Variants in SNX24 observed in about 807,000 individuals in gnomAD.
SNX24 encodes the protein sorting nexin 24.
In SNX24, 22 loss-of-function variants were observed where a neutral mutation model predicts 28.7. The observed-to-expected ratio is 0.77, with a 90% confidence interval of 0.55 to 1.10. The LOEUF (loss-of-function observed/expected upper bound fraction) is 1.10. SNX24 is among the 50% of genes least tolerant of loss of function. SNX24 has a pLI of 0.00. For missense variants in SNX24, 221 were observed against 201.1 expected (o/e 1.10, Z -0.60); for synonymous variants, 69 against 71.5 (o/e 0.96, Z 0.18).
At chr5:123,003,390 G>T (rs1032296088) in intron 6 of SNX24, among the ~76,000 whole-genome samples, 1 of 152,174 alleles carries the variant, frequency 6.6e-6, no homozygotes, top group African/African-American at 2.4e-5. Context: ...CATGTTAGTT[G>T]ATGTCATGTT....
intron 3 of SNX24, among the ~76,000 whole-genome samples, chr5:122,995,144 G>A (rs952140911): frequency 3.3e-5 from 5 of 152,172 alleles, no homozygotes; most frequent in African/African-American, 1.2e-4. Context: ...ATGCTCTTCA[G>A]TGCCTATTCT....
At chr5:122,902,854 T>C (rs1757498540) in intron 1 of SNX24, among the ~76,000 whole-genome samples, 2 of 152,220 alleles carry the variant, frequency 1.3e-5, no homozygotes, top group African/African-American at 4.8e-5. Context: ...CTCCTTTTGA[T>C]GACTGTCTTC....
chr5:122,905,343 C>T (rs246278), intron 1 of SNX24, among the ~76,000 whole-genome samples: 1 of 151,986 alleles, frequency 6.6e-6, no homozygotes, highest in African/African-American at 2.4e-5. Context: ...TCCCACCACT[C>T]CTGAGCTGAA....
chr5:122,917,466 A>G (rs1336328224), intron 1 of SNX24, among the ~76,000 whole-genome samples: 1 of 152,160 alleles, frequency 6.6e-6, no homozygotes, highest in Non-Finnish European at 1.5e-5. Context: ...ATGGAACCAA[A>G]GGAATAAGCA....
In SNX24 at chr5:123,016,639, A is replaced by C. The variant is rs189975335; in HGVS notation, n.384-12599A>C. Reference sequence around the variant, plus strand: ...GAGAAGTGACCTGGTGTAGGGTGGCAGCAGTGGAGAGGATGAGATACAGAG... The same window carrying C: ...GAGAAGTGACCTGGTGTAGGGTGGCCGCAGTGGAGAGGATGAGATACAGAG... On this transcript the variant is annotated intron_variant and non_coding_transcript_variant, in intron 5 of 5. Transcript: ENST00000502387. 1.8e-3 allele frequency among the ~76,000 whole-genome samples: 268 copies of C among 152,284 alleles called. 1 individual carries two copies. Among genetic ancestry groups the C allele is most frequent in the Non-Finnish European group, 2.8e-3 (190 of 68,034 alleles).
intron 2 of SNX24, among the ~76,000 whole-genome samples, chr5:122,944,815 T>C (rs1334058780): frequency 6.6e-6 from 1 of 152,230 alleles, no homozygotes; most frequent in African/African-American, 2.4e-5. Flanking sequence ...ATAGTTTAGC[T>C]GCCCAGGTTT....
intron 1 of SNX24, among the ~76,000 whole-genome samples, chr5:122,854,109 A>T (rs1353711005): frequency 2.0e-5 from 3 of 151,936 alleles, no homozygotes. Flanking sequence ...AAGTGGTATG[A>T]GGCTGTCCCC....
Position 123,008,340 on chromosome 5 carries a change from A to C in SNX24, c.*591A>C. The C allele has an allele frequency of 1.0e-6, 1 of 973,792 alleles. No individual in the cohort carries two copies. Among genetic ancestry groups the C allele is most frequent in the South Asian group, 4.7e-5 (1 of 21,056 alleles). 60.3% of individuals were successfully genotyped at this position (973,792 alleles called of 1,614,324 possible). A position where few individuals can be genotyped will look rare whatever the true frequency, so the allele number is the denominator to read the frequency against. Reference sequence around the variant, plus strand: ...ATCATGGCATTTTAATTTACATTAGAGTGGAGTTGCATCATACTCAGGGGT... The same window carrying C: ...ATCATGGCATTTTAATTTACATTAGCGTGGAGTTGCATCATACTCAGGGGT... On this transcript the variant is annotated 3_prime_UTR_variant, in exon 7 of 7. Coordinates refer to ENST00000261369, the MANE Select transcript of SNX24 (RefSeq NM_014035.4).
rs191672009 is a variant in SNX24, at chr5:122,860,993, G to T, written c.60+15300G>T. Among the ~76,000 whole-genome samples, 649 of 152,154 alleles carry T rather than the reference G, an allele frequency of 4.3e-3. 5 individuals carry two copies. Among genetic ancestry groups the T allele is most frequent in the African/African-American group, 0.015 (617 of 41,488 alleles). ...AATTAATTTTAGTTTCACTCAGGTGGGGTCTTTTTACCACTTCCTTTATGT... is the reference window on the plus strand; with the variant it reads ...AATTAATTTTAGTTTCACTCAGGTGTGGTCTTTTTACCACTTCCTTTATGT... On this transcript the variant is annotated intron_variant, in intron 1 of 6. Transcript: ENST00000261369.
intron 1 of SNX24, among the ~76,000 whole-genome samples, chr5:122,896,156 A>G (rs1313636611): frequency 6.6e-6 from 1 of 152,224 alleles, no homozygotes; most frequent in African/African-American, 2.4e-5. Flanking sequence ...TCAAACAAAC[A>G]AACAAACATA....
At chr5:122,910,663 C>T (rs1189008357) in intron 1 of SNX24, among the ~76,000 whole-genome samples, 1 of 139,052 alleles carries the variant, frequency 7.2e-6, no homozygotes, top group Non-Finnish European at 1.5e-5. Context: ...GTTCCCCTTC[C>T]TGTGTCCATG....
intron 1 of SNX24, among the ~76,000 whole-genome samples, chr5:122,853,148 C>T (rs1448853012): frequency 1.2e-4 from 9 of 75,178 alleles, no homozygotes; most frequent in African/African-American, 2.7e-4. Context: ...TTTTTTGAGA[C>T]GGATTCTTCG....
intron 2 of SNX24, among the ~76,000 whole-genome samples, chr5:122,941,901 C>T (rs533785654): frequency 6.6e-6 from 1 of 152,250 alleles, no homozygotes; most frequent in South Asian, 2.1e-4. Context: ...CGCACCAAAA[C>T]GAAAACAAAA....
chr5:123,005,153 A>T (rs1196274701), intron 6 of SNX24, among the ~76,000 whole-genome samples: 1 of 152,158 alleles, frequency 6.6e-6, no homozygotes, highest in South Asian at 2.1e-4. Context: ...AAACACCTCC[A>T]TCCCATTCAC....
rs367767054 is a variant in SNX24, at chr5:122,859,164, A to G, written c.60+13471A>G. Reference sequence around the variant, plus strand: ...ATAAATGAATGAATGAGACCTGCTTATCTTAGTCTTTCCTTAAGAGATTTA... The same window carrying G: ...ATAAATGAATGAATGAGACCTGCTTGTCTTAGTCTTTCCTTAAGAGATTTA... On this transcript the variant is annotated intron_variant, in intron 1 of 6. Coordinates refer to ENST00000261369, the MANE Select transcript of SNX24 (RefSeq NM_014035.4). Among the ~76,000 whole-genome samples, 17 of 152,334 alleles carry G rather than the reference A, an allele frequency of 1.1e-4. No homozygotes were observed. The East Asian group carries it at 3.1e-3, about 28-fold the overall frequency.
chr5:122,855,589 T>C (rs1379388728), intron 1 of SNX24, among the ~76,000 whole-genome samples: 1 of 152,180 alleles, frequency 6.6e-6, no homozygotes, highest in Non-Finnish European at 1.5e-5. Context: ...GAGACTAGCC[T>C]GGGCAACCTC....
At chr5:123,014,987 C>A (rs1762655902) in intron 5 of SNX24, among the ~76,000 whole-genome samples, 1 of 152,166 alleles carries the variant, frequency 6.6e-6, no homozygotes, top group South Asian at 2.1e-4. Context: ...CTTCAGTCAC[C>A]CCATCTAAAG....
chr5:123,002,180 C>G (rs1762270287), intron 6 of SNX24, 176 bp downstream of exon 6: 2 of 593,246 alleles, frequency 3.4e-6, no homozygotes, highest in Non-Finnish European at 6.0e-6. Context: ...GCTGGCCTTT[C>G]AGGAGGAAAT....
chr5:122,863,652 C>A (rs1561520297), intron 1 of SNX24, among the ~76,000 whole-genome samples: 1 of 151,958 alleles, frequency 6.6e-6, no homozygotes, highest in African/African-American at 2.4e-5. Context: ...CCAGCAGGAT[C>A]ACTTGATGCT....
Sources: gnomAD v4.1 joint callset for allele counts (sites outside exome capture counted in the v4.1 genomes callset) on GRCh38, gnomAD v4.1.1 for gene constraint, MANE v1.5 for transcripts, NCBI Gene and HGNC (gene_info 2026-07-23, HGNC 2026-07-21) for gene names.